Variants in STC2 observed in about 807,000 individuals in gnomAD.
The protein encoded by STC2 is stanniocalcin-2.
A neutral mutation model predicts 22.7 loss-of-function variants in STC2; 7 were observed. The ratio of observed to expected loss-of-function variants is 0.31; its 90% confidence interval spans 0.18 to 0.58. The LOEUF is 0.58. STC2 is among the 20% of genes least tolerant of loss of function. The probability of loss-of-function intolerance (pLI) is 0.89; values close to 1 mark genes in which losing one functional copy is unlikely to be tolerated. For missense variants in STC2, 336 were observed against 406.2 expected (o/e 0.83, Z 1.48); for synonymous variants, 158 against 163.4 (o/e 0.97, Z 0.25).
intron 1 of STC2, among the ~76,000 whole-genome samples, chr5:173,326,334 G>A (rs1047251112): frequency 1.3e-5 from 2 of 152,122 alleles, no homozygotes; most frequent in African/African-American, 4.8e-5. Context: ...TAGTTTGAGA[G>A]CAAAATATAT....
chr5:173,328,103 G>C lies in STC2; in HGVS notation c.91C>G (p.Pro31Ala). The C allele has an allele frequency of 6.2e-7, 1 of 1,602,348 alleles. No homozygotes were observed. The highest frequency in any genetic ancestry group is 8.5e-7 in the Non-Finnish European group (1 of 1,174,526). The change falls in exon 1 of 4, where the codon CCC (proline) becomes GCC (alanine). Residue 31 changes from proline (P) to alanine (A), a missense_variant. By Grantham distance (27) the Pro-to-Ala change is conservative. Coordinates refer to ENST00000265087, the MANE Select transcript of STC2 (RefSeq NM_003714.3). ...PARGTDATNP[P>A]EGPQDRSSQQ... is the part of the protein sequence containing the mutation. ...GAGCTCCTGTCTTGGGGACCCTCGG[G>C]TGGGTTGGTGGCGTCGGTCCCCCGC...
intron 3 of STC2, among the ~76,000 whole-genome samples, chr5:173,318,639 C>G (rs1762454047): frequency 6.6e-6 from 1 of 152,122 alleles, no homozygotes; most frequent in Non-Finnish European, 1.5e-5. Flanking sequence ...GGAGATGGCT[C>G]TGGGGTCCAG....
chr5:173,318,346 A>C, intron 3 of STC2, 97 bp from the exon 4 acceptor site: 2 of 1,220,736 alleles, frequency 1.6e-6, no homozygotes, highest in Non-Finnish European at 2.1e-6. Context: ...GGGCAGGGGC[A>C]ATGCTGGGAA....
In STC2 at chr5:173,317,928, G is replaced by GT. The variant is rs1561642468; in HGVS notation, c.827_828insA (p.Gly277ArgfsTer20). 1 of 1,613,212 alleles carries GT rather than the reference G, an allele frequency of 6.2e-7. No individual in the cohort carries two copies. Among genetic ancestry groups the GT allele is most frequent in the Non-Finnish European group, 8.5e-7 (1 of 1,179,678 alleles). On this transcript the variant is annotated frameshift_variant, in exon 4 of 4. Transcript: ENST00000265087. LOFTEE classifies it high-confidence loss of function. ...AAGGTCCCTGAGCCCCAAGGCCCCC[G>GT]ACTCTGCCTCGGGCATGGGCGTTTG...
Position 173,317,793 on chromosome 5 carries a change from T to C in STC2, c.*54A>G. ...AATGGTAAATGTTTTGGAATGTCCA[T>C]AGATAAGAAAATGGACGGCGTGGAG... On this transcript the variant is annotated 3_prime_UTR_variant, in exon 4 of 4. Coordinates refer to ENST00000265087, the MANE Select transcript of STC2 (RefSeq NM_003714.3). The C allele has an allele frequency of 6.6e-7, 1 of 1,512,624 alleles. No individual in the cohort carries two copies. The highest frequency in any genetic ancestry group is 1.3e-5 in the South Asian group (1 of 75,880). 93.7% of individuals were successfully genotyped at this position (1,512,624 alleles called of 1,614,324 possible).
At chr5:173,324,897 G>A (rs1048341995) in intron 2 of STC2, among the ~76,000 whole-genome samples, 2 of 152,112 alleles carry the variant, frequency 1.3e-5, no homozygotes, top group African/African-American at 4.8e-5. Flanking sequence ...TCCTTCCCTG[G>A]TTTCAGTTTC....
intron 1 of STC2, among the ~76,000 whole-genome samples, chr5:173,326,367 CAA>C (rs749697656): frequency 4.6e-5 from 7 of 152,116 alleles, no homozygotes; most frequent in Non-Finnish European, 1.0e-4. Flanking sequence ...AACCCACAGA[CAA>C]AAATAAAATT....
Position 173,323,050 on chromosome 5 carries a change from C to A in STC2, c.506+169G>T. ...AATTCTCTCTTTTCCTAAAAGCCAGCAGGAAAGGGGCCTTTTAGTAGAGTC... is the reference window on the plus strand; with the variant it reads ...AATTCTCTCTTTTCCTAAAAGCCAGAAGGAAAGGGGCCTTTTAGTAGAGTC... On this transcript the variant is annotated intron_variant, in intron 3 of 3. Transcript: ENST00000265087. This position sits in a 1 kb window ranked among gnomAD's most constrained non-coding sequence, Gnocchi z 5.4. 2 of 632,460 alleles carry A rather than the reference C, an allele frequency of 3.2e-6. No homozygotes were observed. Among genetic ancestry groups the A allele is most frequent in the East Asian group, 5.5e-5 (2 of 36,094 alleles). 39.2% of individuals were successfully genotyped at this position (632,460 alleles called of 1,614,324 possible).
chr5:173,321,523 A>G (rs1317143727), intron 3 of STC2, among the ~76,000 whole-genome samples: 1 of 152,236 alleles, frequency 6.6e-6, no homozygotes, highest in Non-Finnish European at 1.5e-5. Flanking sequence ...TAAAAGGACA[A>G]GAAGCCCACC....
At position 173,318,070 on chromosome 5, in the gene STC2, A is replaced by C; in HGVS notation, c.686T>G (p.Val229Gly). Residue 229 changes from valine (V) to glycine (G), a missense_variant, in exon 4 of 4, where the codon GTG becomes GGG. This residue lies in a region of STC2 where 215 missense variants were observed against 231.5 expected (regional missense o/e 0.93). Transcript: ENST00000265087. The part of the protein sequence containing the change: ...PTAPPERQPQ[V>G]DRTKLSRAHH... ...GGCCCTGGAGAGCTTGGTTCTGTCC[A>C]CCTGGGGCTGGCGCTCGGGGGGCGC... 6.2e-7 allele frequency: 1 copy of C among 1,601,806 alleles called. No homozygotes were observed. Among genetic ancestry groups the C allele is most frequent in the Non-Finnish European group, 8.5e-7 (1 of 1,174,456 alleles).
rs986525825 is a variant in STC2, at chr5:173,328,407, C to T, written c.-214G>A. The T allele has an allele frequency of 1.2e-5, 5 of 418,870 alleles. No homozygotes were observed. Among genetic ancestry groups the T allele is most frequent in the African/African-American group, 2.0e-5 (1 of 48,936 alleles). 25.9% of individuals were successfully genotyped at this position (418,870 alleles called of 1,614,324 possible). A position where few individuals can be genotyped will look rare whatever the true frequency, so the allele number is the denominator to read the frequency against. ...GCATGTGACCAGGCCGTTAGCAGCG[C>T]CGCGAGTGCCCGGCAATGGCAGGGA... On this transcript the variant is annotated 5_prime_UTR_variant, in exon 1 of 4. Coordinates refer to ENST00000265087, the MANE Select transcript of STC2 (RefSeq NM_003714.3).
Position 173,324,519 on chromosome 5 carries a change from T to G in STC2, c.295-1089A>C, listed in dbSNP as rs1283010399. On this transcript the variant is annotated intron_variant, in intron 2 of 3. Coordinates refer to ENST00000265087, the MANE Select transcript of STC2 (RefSeq NM_003714.3). ...CATAGAAATGTCTACAGATAGCGTC[T>G]GATCTCTGAAAAACCATGTGGCCCG... Among the ~76,000 whole-genome samples the G allele has an allele frequency of 2.0e-5, 3 of 152,246 alleles. No homozygotes were observed. In the East Asian group the frequency reaches 5.8e-4, roughly 29 times the overall value.
rs1762506033 is a variant in STC2 at position 173,323,182 on chromosome 5, G to T, written c.506+37C>A. The T allele has an allele frequency of 6.2e-7, 1 of 1,603,672 alleles. No homozygotes were observed. Among genetic ancestry groups the T allele is most frequent in the Non-Finnish European group, 8.5e-7 (1 of 1,170,790 alleles). On this transcript the variant is annotated intron_variant, in intron 3 of 3. Transcript: ENST00000265087. This position sits in a 1 kb window ranked among gnomAD's most constrained non-coding sequence, Gnocchi z 5.4. Reference sequence around the variant, plus strand: ...TACACATTGCCATCCTTGCTGGGTGGCCCCTTCACCCAGGCCCTCTGCGGG... The same window carrying T: ...TACACATTGCCATCCTTGCTGGGTGTCCCCTTCACCCAGGCCCTCTGCGGG...
chr5:173,324,564 CCT>C (rs1762523293), intron 2 of STC2, among the ~76,000 whole-genome samples: 2 of 152,210 alleles, frequency 1.3e-5, no homozygotes, highest in African/African-American at 2.4e-5. Flanking sequence ...CCCGTGGCCC[CCT>C]CTCTTTTGAC....
In STC2 at chr5:173,323,409, C is replaced by A; in HGVS notation, c.316G>T (p.Ala106Ser). The A allele has an allele frequency of 3.7e-6, 6 of 1,612,584 alleles. No individual in the cohort carries two copies. Among genetic ancestry groups the A allele is most frequent in the Non-Finnish European group, 5.1e-6 (6 of 1,179,320 alleles). Reference protein sequence around the residue: ...DAQGKSFIKDALKCKAHALRH... With the variant: ...DAQGKSFIKDSLKCKAHALRH... ...AGAGCGTGGGCCTTACATTTCAAGG[C>A]GTCTTTGATGAATGACTTGCCCTGA... The change falls in exon 3 of 4, where the codon GCC becomes TCC. Residue 106 changes from alanine (A) to serine (S), a missense_variant. Physicochemically the swap from Ala to Ser is moderately conservative, Grantham distance 99. Around this residue, in one of 3 missense-constraint regions of STC2, gnomAD observed 22 missense variants for 52.0 expected, o/e 0.42. Coordinates refer to ENST00000265087, the MANE Select transcript of STC2 (RefSeq NM_003714.3). This position sits in a 1 kb window ranked among gnomAD's most constrained non-coding sequence, Gnocchi z 5.4.
rs757462061 is a variant in STC2 at position 173,316,092 on chromosome 5, G to A, written c.*1755C>T. The A allele has an allele frequency of 1.3e-5, 2 of 152,236 alleles. No individual in the cohort carries two copies. Among genetic ancestry groups the A allele is most frequent in the East Asian group, 3.8e-4 (2 of 5,198 alleles). 9.4% of individuals were successfully genotyped at this position (152,236 alleles called of 1,614,324 possible). A position where few individuals can be genotyped will look rare whatever the true frequency, so the allele number is the denominator to read the frequency against. ...GGTTGCCTTGAGGAAGAGCTGATGA[G>A]TTGACGGATAAGGATGCATATGCTT... On this transcript the variant is annotated 3_prime_UTR_variant, in exon 4 of 4. Transcript: ENST00000265087.
At chr5:173,319,387 C>A (rs144316254) in intron 3 of STC2, among the ~76,000 whole-genome samples, 1 of 152,222 alleles carries the variant, frequency 6.6e-6, no homozygotes, top group Admixed American at 6.5e-5. Context: ...AGGCAGTCCT[C>A]GCTGGCAAAG....
rs1470408508 is a variant in STC2 at position 173,316,040 on chromosome 5, C to T, written c.*1807G>A. ...GGAACAAGTCATTTTAGAGCAGATA[C>T]GCTTGGTTTCTTGGTGTCTGGCCTC... is the stretch of plus-strand genomic sequence containing the variant. On this transcript the variant is annotated 3_prime_UTR_variant, in exon 4 of 4. Coordinates refer to ENST00000265087, the MANE Select transcript of STC2 (RefSeq NM_003714.3). 6.6e-6 allele frequency: 1 copy of T among 152,212 alleles called. No individual in the cohort carries two copies. Among genetic ancestry groups the T allele is most frequent in the Non-Finnish European group, 1.5e-5 (1 of 68,076 alleles). The allele number at this position is 152,212 out of a possible 1,614,324, so 9.4% of individuals were successfully genotyped here.
At chr5:173,326,035 A>T in intron 1 of STC2, 25 bp from the exon 2 acceptor site, 1 of 1,613,066 alleles carries the variant, frequency 6.2e-7, no homozygotes, top group African/African-American at 1.3e-5. Flanking sequence ...ACATACAAAT[A>T]TATACAAAAC....
Sources: allele counts gnomAD v4.1 joint callset (sites outside exome capture counted in the v4.1 genomes callset), GRCh38; gene constraint gnomAD v4.1.1; regional missense constraint gnomAD v4.1.1; non-coding constraint Gnocchi (gnomAD v3.1); transcripts MANE v1.5; gene names NCBI Gene and HGNC (gene_info 2026-07-23, HGNC 2026-07-21).